The following VARS2 variants were observed in gnomAD, a reference collection of about 807,000 sequenced individuals.
VARS2 encodes the protein valine--tRNA ligase, mitochondrial.
Under a neutral mutation model 154.1 loss-of-function variants are expected in VARS2, and 105 were observed. That is an observed-to-expected ratio of 0.68 (90% CI 0.58 to 0.80). The LOEUF (loss-of-function observed/expected upper bound fraction) is 0.80, where lower values mean the gene tolerates loss of function less well. VARS2 is among the 30% of genes least tolerant of loss of function. The pLI is 0.00. For synonymous variants in VARS2, 483 were observed against 539.5 expected, an observed-to-expected ratio of 0.90 and a Z score of 1.45; for missense variants, 1,157 against 1,361.4, an observed-to-expected ratio of 0.85 and a Z score of 2.36.
rs1197094786 is a variant in VARS2 at position 30,915,399 on chromosome 6, G to A, written c.328G>A (p.Glu110Lys). ...LPPAYSPRYVEAAWYPWWVRE... is the reference protein window; with the variant it reads ...LPPAYSPRYVKAAWYPWWVRE... Reference sequence around the variant, plus strand: ...TCCTGCATACAGCCCCCGATATGTTGAGGCTGCCTGGTACCCGTGGTGGGT... The same window carrying A: ...TCCTGCATACAGCCCCCGATATGTTAAGGCTGCCTGGTACCCGTGGTGGGT... Residue 110 changes from glutamate (E) to lysine (K), a missense_variant, in exon 4 of 30, where the codon GAG becomes AAG. Physicochemically the swap from Glu to Lys is moderately conservative, Grantham distance 56. Coordinates refer to ENST00000676266, the MANE Select transcript of VARS2 (RefSeq NM_020442.6). The A allele has an allele frequency of 1.9e-6, 3 of 1,614,064 alleles. No individual in the cohort carries two copies. In the African/African-American group the frequency reaches 4.0e-5, roughly 22 times the overall value.
chr6:30,924,535 C>A lies in VARS2; in HGVS notation c.2648C>A (p.Ala883Asp). The change falls in exon 26 of 30, where the codon GCC (alanine) becomes GAC (aspartate). Residue 883 changes from alanine (A) to aspartate (D), a missense_variant. Coordinates refer to ENST00000676266, the MANE Select transcript of VARS2 (RefSeq NM_020442.6). ...CCCCCTGCCCCCAGCATCTCGGTTGCCCCCTACCCCAGCGCCTGCAGCTTG... is the reference window on the plus strand; with the variant it reads ...CCCCCTGCCCCCAGCATCTCGGTTGACCCCTACCCCAGCGCCTGCAGCTTG... ...GCPPAPSISV[A>D]PYPSACSLEH... 1 of 1,559,504 alleles carries A rather than the reference C, an allele frequency of 6.4e-7. No homozygotes were observed. The highest frequency in any genetic ancestry group is 8.7e-7 in the Non-Finnish European group (1 of 1,148,474).
intron 26 of VARS2, 22 bp downstream of exon 26, chr6:30,924,582 G>T: frequency 7.5e-7 from 1 of 1,334,522 alleles, no homozygotes. Flanking sequence ...GCACCTTGGA[G>T]TGGGTCTGTG....
rs2150560997 is a variant in VARS2, at chr6:30,920,987, C to T, written c.1480-78C>T. On this transcript the variant is annotated intron_variant, in intron 15 of 29. Coordinates refer to ENST00000676266, the MANE Select transcript of VARS2 (RefSeq NM_020442.6). This position sits in a 1 kb window ranked among gnomAD's most constrained non-coding sequence, Gnocchi z 4.6. ...TCCTTTCTGAGTTTTAAAATGACCT[C>T]AGAGGCCACTCGTCCTATCTGTGGA... 9.0e-6 allele frequency: 13 copies of T among 1,441,176 alleles called. No homozygotes were observed. Among genetic ancestry groups the T allele is most frequent in the Non-Finnish European group, 1.1e-5 (12 of 1,068,420 alleles). The allele number at this position is 1,441,176 out of a possible 1,614,324, so 89.3% of individuals were successfully genotyped here.
In VARS2 at chr6:30,917,568, G is replaced by A. The variant is rs762402283; in HGVS notation, c.874-127G>A. On this transcript the variant is annotated intron_variant, in intron 9 of 29. Transcript: ENST00000676266. This position sits in a 1 kb window ranked among gnomAD's most constrained non-coding sequence, Gnocchi z 4.4. ...GTGAGGGCAGAGGGAGGTAGCTCCC[G>A]AATCCTCCAAATGGCTTTTAGATGG... is the stretch of plus-strand genomic sequence containing the variant. The A allele has an allele frequency of 8.8e-6, 8 of 911,084 alleles. No homozygotes were observed. The Admixed American group carries it at 1.1e-4, about 13-fold the overall frequency. The allele number at this position is 911,084 out of a possible 1,614,324, so 56.4% of individuals were successfully genotyped here. A position where few individuals can be genotyped will look rare whatever the true frequency, so the allele number is the denominator to read the frequency against.
rs1005766564 is a variant in VARS2 at position 30,920,982 on chromosome 6, G to T, written c.1480-83G>T. ...GGAGGTCCTTTCTGAGTTTTAAAAT[G>T]ACCTCAGAGGCCACTCGTCCTATCT... On this transcript the variant is annotated intron_variant, in intron 15 of 29. Transcript: ENST00000676266. This position sits in a 1 kb window ranked among gnomAD's most constrained non-coding sequence, Gnocchi z 4.6. 3 of 1,404,032 alleles carry T rather than the reference G, an allele frequency of 2.1e-6. No individual in the cohort carries two copies. Among genetic ancestry groups the T allele is most frequent in the African/African-American group, 1.5e-5 (1 of 68,946 alleles). 87.0% of individuals were successfully genotyped at this position (1,404,032 alleles called of 1,614,324 possible).
At position 30,917,803 on chromosome 6, in the gene VARS2, C is replaced by T; in HGVS notation, c.982C>T (p.Pro328Ser). 6.4e-7 allele frequency: 1 copy of T among 1,554,390 alleles called. No individual in the cohort carries two copies. The highest frequency in any genetic ancestry group is 8.7e-7 in the Non-Finnish European group (1 of 1,148,348). ...FSVAFPVDGE[P>S]DAEVVVGTTR... The stretch of plus-strand genomic sequence containing the variant: ...TGTTGCCTTCCCCGTGGATGGAGAG[C>T]CTGGTGAGCATAGTACTCTGCAGGG... The change falls in exon 10 of 30, where the codon CCT (proline) becomes TCT (serine). Residue 328 changes from proline (P) to serine (S), a missense_variant. Coordinates refer to ENST00000676266, the MANE Select transcript of VARS2 (RefSeq NM_020442.6). This position sits in a 1 kb window ranked among gnomAD's most constrained non-coding sequence, Gnocchi z 4.4.
rs777795278 is a variant in VARS2, at chr6:30,914,864, C to T, written c.28C>T (p.Arg10Ter). Residue 10 changes from arginine (R) to a stop codon, truncating the protein, a stop_gained, in exon 2 of 30, where the codon CGA becomes TGA. Transcript: ENST00000676266. LOFTEE classifies it high-confidence loss of function. MPHLPLASF[R>*]PPFWGLRHSR... Reference sequence around the variant, plus strand: ...GCCTCATTTGCCTCTCGCCTCTTTTCGACCACCATTTTGGGGGCTGAGGCA... The same window carrying T: ...GCCTCATTTGCCTCTCGCCTCTTTTTGACCACCATTTTGGGGGCTGAGGCA... The T allele has an allele frequency of 5.6e-6, 9 of 1,613,034 alleles. No homozygotes were observed. Among genetic ancestry groups the T allele is most frequent in the Non-Finnish European group, 7.6e-6 (9 of 1,180,020 alleles).
At chr6:30,924,139 C>A (rs1313995172) in intron 25 of VARS2, 5 of 587,774 alleles carry the variant, frequency 8.5e-6, no homozygotes, top group African/African-American at 1.9e-5. Flanking sequence ...CCCTGGAAAT[C>A]CTGTCCCTGT....
rs374619429 is a variant in VARS2 at position 30,921,225 on chromosome 6, G to A, written c.1557-5G>A. The stretch of plus-strand genomic sequence containing the variant: ...TCTAAGACTTCACGAATGTCCTCCC[G>A]GCAGGGACTGGTGTGTCTCCCGGCA... On this transcript the variant is annotated splice_polypyrimidine_tract_variant and splice_region_variant and intron_variant, in intron 16 of 29. Transcript: ENST00000676266. This position sits in a 1 kb window ranked among gnomAD's most constrained non-coding sequence, Gnocchi z 4.6. 4.2e-5 allele frequency: 67 copies of A among 1,613,980 alleles called. 1 individual carries two copies. In the South Asian group the frequency reaches 6.1e-4, roughly 15 times the overall value.
chr6:30,923,468 A>G lies in VARS2; in HGVS notation c.2429A>G (p.His810Arg), dbSNP rs1282826801. 4.3e-6 allele frequency: 7 copies of G among 1,611,988 alleles called. No homozygotes were observed. Among genetic ancestry groups the G allele is most frequent in the Non-Finnish European group, 5.9e-6 (7 of 1,179,972 alleles). Residue 810 changes from histidine (H) to arginine (R), a missense_variant, in exon 25 of 30, where the codon CAC (histidine) becomes CGC (arginine). His to Arg is a conservative substitution (Grantham distance 29, BLOSUM62 0). Transcript: ENST00000676266. ...RELSLVTHAL[H>R]HFWLHNLCDV... ...CTCTCGCTCGTCACTCATGCCCTGC[A>G]CCACTTCTGGCTTCACAACCTCTGT...
At position 30,921,841 on chromosome 6, in the gene VARS2, G is replaced by A. The variant is rs1582192751; in HGVS notation, c.1736-84G>A. ...GACAGCCCTGGTCTCTGGGGGTGGG[G>A]GTTGGCCTAGAATGGTGGCAGCAGT... On this transcript the variant is annotated intron_variant, in intron 18 of 29. Coordinates refer to ENST00000676266, the MANE Select transcript of VARS2 (RefSeq NM_020442.6). This position sits in a 1 kb window ranked among gnomAD's most constrained non-coding sequence, Gnocchi z 4.6. 19 of 1,582,132 alleles carry A rather than the reference G, an allele frequency of 1.2e-5. No homozygotes were observed. The East Asian group carries it at 2.9e-4, about 24-fold the overall frequency.
chr6:30,922,357 T>G, intron 20 of VARS2, 93 bp from the exon 21 acceptor site: 3 of 1,601,660 alleles, frequency 1.9e-6, no homozygotes, highest in Non-Finnish European at 2.6e-6. Context: ...TTTTCCTAAT[T>G]CACTTCCTAC....
chr6:30,916,120 ACT>A lies in VARS2; in HGVS notation c.574-29_574-28del, dbSNP rs752975952. On this transcript the variant is annotated intron_variant, in intron 6 of 29. Coordinates refer to ENST00000676266, the MANE Select transcript of VARS2 (RefSeq NM_020442.6). This position sits in a 1 kb window ranked among gnomAD's most constrained non-coding sequence, Gnocchi z 4.0. Reference sequence around the variant, plus strand: ...TCCCCCAAAGCAACCAAGCAACCTGACTCTGTTCATTTGCCCTGAATCCAACT... The same window carrying A: ...TCCCCCAAAGCAACCAAGCAACCTGACTGTTCATTTGCCCTGAATCCAACT... 7 of 1,603,818 alleles carry A rather than the reference ACT, an allele frequency of 4.4e-6. No homozygotes were observed. The highest frequency in any genetic ancestry group is 6.0e-6 in the Non-Finnish European group (7 of 1,175,900).
Position 30,914,346 on chromosome 6 carries a change from T to C in VARS2, c.-28+2T>C. The C allele has an allele frequency of 8.1e-7, 1 of 1,238,886 alleles. No individual in the cohort carries two copies. Among genetic ancestry groups the C allele is most frequent in the Middle Eastern group, 3.1e-4 (1 of 3,260 alleles). The allele number at this position is 1,238,886 out of a possible 1,614,324, so 76.7% of individuals were successfully genotyped here. ...CTGGGATAGCGGCGGGGCCTCCTGGTGAGCGCGCGCCGGGGCGGCCTCCGG... is the reference window on the plus strand; with the variant it reads ...CTGGGATAGCGGCGGGGCCTCCTGGCGAGCGCGCGCCGGGGCGGCCTCCGG... On this transcript the variant is annotated splice_donor_variant, in intron 1 of 29. Coordinates refer to ENST00000676266, the MANE Select transcript of VARS2 (RefSeq NM_020442.6). LOFTEE classifies it low-confidence loss of function (5UTR_SPLICE).
chr6:30,915,883 G>A lies in VARS2; in HGVS notation c.506+16G>A. Reference sequence around the variant, plus strand: ...TCGTGCGCTGGTGAGAGGGGAGTGGGGGCTGCTTGAGTTCTTGGAAGGGAA... The same window carrying A: ...TCGTGCGCTGGTGAGAGGGGAGTGGAGGCTGCTTGAGTTCTTGGAAGGGAA... On this transcript the variant is annotated intron_variant, in intron 5 of 29. Transcript: ENST00000676266. 6.2e-7 allele frequency: 1 copy of A among 1,614,032 alleles called. No homozygotes were observed. Among genetic ancestry groups the A allele is most frequent in the Non-Finnish European group, 8.5e-7 (1 of 1,179,936 alleles).
rs766432913 is a variant in VARS2 at position 30,922,131 on chromosome 6, C to T, written c.1822C>T (p.Arg608Cys). 5 of 1,612,654 alleles carry T rather than the reference C, an allele frequency of 3.1e-6. No homozygotes were observed. Among genetic ancestry groups the T allele is most frequent in the East Asian group, 2.2e-5 (1 of 44,886 alleles). The stretch of plus-strand genomic sequence containing the variant: ...TTCCCCCTAGACCCCAGACCTTGCT[C>T]GTTTCTACCCCCTGTCACTTTTGGA... Reference protein sequence around the residue: ...GWPQETPDLARFYPLSLLETG... With the variant: ...GWPQETPDLACFYPLSLLETG... Residue 608 changes from arginine to cysteine, a missense_variant, in exon 20 of 30, where the codon CGT becomes TGT. By Grantham distance (180) the Arg-to-Cys change is radical. Coordinates refer to ENST00000676266, the MANE Select transcript of VARS2 (RefSeq NM_020442.6).
Position 30,920,413 on chromosome 6 carries a change from C to G in VARS2, c.1374C>G (p.His458Gln). Reference protein sequence around the residue: ...EWGLFRGLQNHPMVLPICSRS... With the variant: ...EWGLFRGLQNQPMVLPICSRS... ...GCCTGTTCCGGGGCCTCCAGAACCA[C>G]CCCATGGTACTGCCCATCTGCAGGT... The change falls in exon 14 of 30, where the codon CAC (histidine) becomes CAG (glutamine). Residue 458 changes from histidine (H) to glutamine (Q), a missense_variant. Physicochemically the swap from His to Gln is conservative, Grantham distance 24 (BLOSUM62 0). Transcript: ENST00000676266. The surrounding 1 kb of genome is among the most constrained non-coding windows in gnomAD (Gnocchi z 4.6). 1.2e-6 allele frequency: 2 copies of G among 1,610,144 alleles called. No homozygotes were observed. The highest frequency in any genetic ancestry group is 1.7e-6 in the Non-Finnish European group (2 of 1,178,660).
At position 30,916,794 on chromosome 6, in the gene VARS2, C is replaced by T; in HGVS notation, c.672-84C>T. Reference sequence around the variant, plus strand: ...TCCTCACTTGATTTTCCTCCAACACCTGGCATTGCTGGGGGCATCGCTGGG... The same window carrying T: ...TCCTCACTTGATTTTCCTCCAACACTTGGCATTGCTGGGGGCATCGCTGGG... On this transcript the variant is annotated intron_variant, in intron 7 of 29. Transcript: ENST00000676266. The surrounding 1 kb of genome is among the most constrained non-coding windows in gnomAD (Gnocchi z 4.0). 2.2e-6 allele frequency: 3 copies of T among 1,373,566 alleles called. No homozygotes were observed. Among genetic ancestry groups the T allele is most frequent in the Non-Finnish European group, 2.1e-6 (2 of 962,446 alleles). 85.1% of individuals were successfully genotyped at this position (1,373,566 alleles called of 1,614,324 possible).
Position 30,916,480 on chromosome 6 carries a change from T to TTTTA in VARS2, c.671+232_671+233insTTAT, listed in dbSNP as rs1554266731. ...TGTGTGTGTGTGTGTGTGTGTGTAT[T>TTTTA]TATATATATATATATATTTTCTTTC... On this transcript the variant is annotated intron_variant, in intron 7 of 29. Coordinates refer to ENST00000676266, the MANE Select transcript of VARS2 (RefSeq NM_020442.6). The surrounding 1 kb of genome is among the most constrained non-coding windows in gnomAD (Gnocchi z 4.0). 211 of 286,284 alleles carry TTTTA rather than the reference T, an allele frequency of 7.4e-4. No individual in the cohort carries two copies. Among genetic ancestry groups the TTTTA allele is most frequent in the East Asian group, 3.5e-3 (45 of 12,776 alleles). 17.7% of individuals were successfully genotyped at this position (286,284 alleles called of 1,614,324 possible).
Sources: gnomAD v4.1 joint callset for allele counts on GRCh38, gnomAD v4.1.1 for gene constraint, Gnocchi (gnomAD v3.1) non-coding constraint, MANE v1.5 for transcripts, NCBI Gene and HGNC (gene_info 2026-07-23, HGNC 2026-07-21) for gene names.